Variants in EVI5 observed in about 807,000 individuals in gnomAD.
EVI5 encodes ecotropic viral integration site 5.
A neutral mutation model predicts 112.0 loss-of-function variants in EVI5; 73 were observed. The observed-to-expected ratio is 0.65, with a 90% CI of 0.54 to 0.79. The LOEUF (loss-of-function observed/expected upper bound fraction) is 0.79, where lower values mean the gene tolerates loss of function less well. Ranked by LOEUF, EVI5 falls within the 30% of genes least tolerant of loss-of-function variation. The pLI, the probability that EVI5 is intolerant of heterozygous loss-of-function variation, is 0.00. For synonymous variants in EVI5, 305 were observed against 319.9 expected (o/e 0.95, Z 0.50); for missense variants, 900 against 968.8 (o/e 0.93, Z 0.94).
intron 19 of EVI5, among the ~76,000 whole-genome samples, chr1:92,532,999 C>T (rs1187669116): frequency 2.1e-5 from 3 of 140,428 alleles, no homozygotes; most frequent in Non-Finnish European, 3.1e-5. Flanking sequence ...AATCTAGGAA[C>T]TTTTTTTTTT....
intron 13 of EVI5, among the ~76,000 whole-genome samples, chr1:92,646,203 A>T (rs1346819684): frequency 6.6e-6 from 1 of 152,218 alleles, no homozygotes; most frequent in African/African-American, 2.4e-5. Flanking sequence ...TTTTAACACT[A>T]TTTAACTTCA....
At chr1:92,733,585 T>A (rs1174775632) in intron 2 of EVI5, among the ~76,000 whole-genome samples, 5 of 151,864 alleles carry the variant, frequency 3.3e-5, no homozygotes, top group East Asian at 3.9e-4. Context: ...TTTTTTTTTT[T>A]AATTTTAGTA....
chr1:92,679,279 C>T (rs551946336), intron 9 of EVI5, among the ~76,000 whole-genome samples: 34 of 152,264 alleles, frequency 2.2e-4, no homozygotes, highest in Non-Finnish European at 3.1e-4. Flanking sequence ...TCCACGAAAG[C>T]GGTCCCTAGT....
chr1:92,514,487 G>A (rs567074131), intron 19 of EVI5, among the ~76,000 whole-genome samples: 7 of 152,038 alleles, frequency 4.6e-5, no homozygotes, highest in South Asian at 2.1e-4. Context: ...AATAACAACC[G>A]TCCTATGTGA....
At chr1:92,602,698 TG>T (rs1649435736) in intron 18 of EVI5, among the ~76,000 whole-genome samples, 1 of 152,198 alleles carries the variant, frequency 6.6e-6, no homozygotes, top group Admixed American at 6.5e-5. Context: ...TGAGTTACTG[TG>T]CCCTGTAAAA....
upstream of EVI5, among the ~76,000 whole-genome samples, chr1:92,788,775 C>T (rs1685861592): frequency 6.6e-6 from 1 of 152,090 alleles, no homozygotes; most frequent in Admixed American, 6.6e-5. Flanking sequence ...GCCTGGGCAA[C>T]AGAGCAAGAC....
chr1:92,772,939 G>A (rs1056872920), intron 1 of EVI5, among the ~76,000 whole-genome samples: 6 of 144,636 alleles, frequency 4.1e-5, no homozygotes, highest in South Asian at 2.2e-4. Flanking sequence ...CAGGCATGGT[G>A]GCTCACACTT....
chr1:92,582,137 T>C lies in EVI5; in HGVS notation c.2071-18400A>G, dbSNP rs531323672. Among the ~76,000 whole-genome samples, 13 of 152,328 alleles carry C rather than the reference T, an allele frequency of 8.5e-5. No individual in the cohort carries two copies. In the South Asian group the frequency reaches 2.7e-3, roughly 32 times the overall value. ...GCCTACTGTTCCTGGGCTACAAATATGTACAGCATGTTACCGTATGGAATA... is the reference window on the plus strand; with the variant it reads ...GCCTACTGTTCCTGGGCTACAAATACGTACAGCATGTTACCGTATGGAATA... On this transcript the variant is annotated intron_variant, in intron 18 of 19. Transcript: ENST00000684568.
At chr1:92,531,438 C>A (rs556007349) in intron 19 of EVI5, among the ~76,000 whole-genome samples, 2 of 152,184 alleles carry the variant, frequency 1.3e-5, no homozygotes, top group South Asian at 4.2e-4. Context: ...ATACAGAGAA[C>A]ACCATAAAGA....
chr1:92,527,434 G>A (rs200370758), intron 19 of EVI5, among the ~76,000 whole-genome samples: 38 of 128,386 alleles, frequency 3.0e-4, no homozygotes, highest in Non-Finnish European at 3.1e-4. Context: ...AAAAAAAAAA[G>A]AAAAAAAGAA....
chr1:92,715,762 T>G (rs759204842), intron 2 of EVI5, among the ~76,000 whole-genome samples: 19 of 152,084 alleles, frequency 1.2e-4, no homozygotes, highest in Non-Finnish European at 2.6e-4. Flanking sequence ...TGCTCAAATA[T>G]TGTGCTTTTC....
At chr1:92,655,349 A>C (rs2102093255) in intron 13 of EVI5, among the ~76,000 whole-genome samples, 1 of 152,252 alleles carries the variant, frequency 6.6e-6, no homozygotes, top group Non-Finnish European at 1.5e-5. Flanking sequence ...AGAAAAAAAA[A>C]AACCTGTCAA....
intron 13 of EVI5, among the ~76,000 whole-genome samples, chr1:92,658,354 A>T (rs1250473735): frequency 1.3e-5 from 2 of 152,224 alleles, no homozygotes; most frequent in African/African-American, 4.8e-5. Flanking sequence ...TTCCTCCAAA[A>T]GGCTCTTAGA....
chr1:92,757,372 G>C (rs952484042), intron 1 of EVI5, among the ~76,000 whole-genome samples: 2 of 144,698 alleles, frequency 1.4e-5, no homozygotes, highest in Non-Finnish European at 3.0e-5. Context: ...AGTCTTTTAT[G>C]ATGTAAAGTA....
At chr1:92,588,707 G>C (rs374758325) in intron 18 of EVI5, among the ~76,000 whole-genome samples, 30 of 152,314 alleles carry the variant, frequency 2.0e-4, no homozygotes, top group East Asian at 1.2e-3. Context: ...GTTTAGAATA[G>C]TGACAGGCAC....
chr1:92,618,593 C>A (rs1336565417), intron 16 of EVI5, among the ~76,000 whole-genome samples: 5 of 152,144 alleles, frequency 3.3e-5, no homozygotes, highest in Non-Finnish European at 2.9e-5. Flanking sequence ...CTACAACATC[C>A]CAATCCAGGC....
intron 13 of EVI5, among the ~76,000 whole-genome samples, chr1:92,644,187 C>G (rs946042474): frequency 6.6e-6 from 1 of 152,182 alleles, no homozygotes; most frequent in Non-Finnish European, 1.5e-5. Context: ...AAATCAAACT[C>G]AGCATCACTA....
chr1:92,781,634 A>G (rs1358738090), intron 1 of EVI5, among the ~76,000 whole-genome samples: 1 of 152,244 alleles, frequency 6.6e-6, no homozygotes, highest in African/African-American at 2.4e-5. Context: ...GACAAGATTG[A>G]TAAAGTATAC....
intron 3 of EVI5, among the ~76,000 whole-genome samples, chr1:92,704,174 T>C (rs1006721885): frequency 6.6e-6 from 1 of 151,754 alleles, no homozygotes; most frequent in African/African-American, 2.4e-5. Flanking sequence ...ATTAGCGAGG[T>C]GTGGTGACAC....
Sources: gnomAD v4.1 joint callset for allele counts (sites outside exome capture counted in the v4.1 genomes callset) on GRCh38, gnomAD v4.1.1 for gene constraint, MANE v1.5 for transcripts, NCBI Gene and HGNC (gene_info 2026-07-23, HGNC 2026-07-21) for gene names.